Variants in CDK14 observed in about 807,000 individuals in gnomAD.
The protein encoded by CDK14 is cyclin-dependent kinase 14.
A neutral mutation model predicts 60.7 loss-of-function variants in CDK14; 34 were observed. The ratio of observed to expected loss-of-function variants is 0.56; its 90% CI spans 0.43 to 0.75. CDK14 has a LOEUF of 0.75. Among genes scored for constraint, CDK14 ranks in the 30% least tolerant of loss-of-function variants. The pLI, the probability that CDK14 is intolerant of heterozygous loss-of-function variation, is 0.00. For synonymous variants in CDK14, 197 were observed against 203.7 expected (o/e 0.97, Z 0.28); for missense variants, 482 against 564.1 (o/e 0.85, Z 1.47).
At chr7:90,777,389 C>T (rs1034150432) in intron 4 of CDK14, among the ~76,000 whole-genome samples, 1 of 152,166 alleles carries the variant, frequency 6.6e-6, no homozygotes, top group African/African-American at 2.4e-5. Context: ...AAGGCGACTT[C>T]AGTTTTGGAG....
In CDK14 at chr7:90,911,480, T is replaced by A. The variant is rs527347138; in HGVS notation, c.703-6121T>A. Among the ~76,000 whole-genome samples the A allele has an allele frequency of 5.3e-5, 8 of 152,294 alleles. No individual in the cohort carries two copies. In the East Asian group the frequency reaches 1.4e-3, roughly 26 times the overall value. On this transcript the variant is annotated intron_variant, in intron 7 of 14. Transcript: ENST00000380050. ...ATTGCTAATGACTCCTATTAGTAGA[T>A]TTCTTAATCTTCTGAAAGCCCTGAG...
Position 90,781,700 on chromosome 7 carries a change from C to G in CDK14, c.465-8873C>G, listed in dbSNP as rs533071556. On this transcript the variant is annotated intron_variant, in intron 4 of 14. Transcript: ENST00000380050. ...TCCTTTCCCCATTGCTTGTTTTTCT[C>G]AGGTTTGTCAAAGATCAGATAGTTG... Among the ~76,000 whole-genome samples, 17 of 151,346 alleles carry G rather than the reference C, an allele frequency of 1.1e-4. 1 individual carries two copies. Among genetic ancestry groups the G allele is most frequent in the Admixed American group, 1.1e-3 (17 of 15,160 alleles).
intron 14 of CDK14, among the ~76,000 whole-genome samples, chr7:91,183,015 G>A (rs2724355): frequency 0.42 from 64,042 of 151,906 alleles, 14,119 homozygotes; most frequent in East Asian, 0.5. Flanking sequence ...TCTGAGAGTC[G>A]CGTTGCAAAC....
chr7:90,872,235 A>C (rs1791391857), intron 6 of CDK14, among the ~76,000 whole-genome samples: 1 of 152,216 alleles, frequency 6.6e-6, no homozygotes, highest in South Asian at 2.1e-4. Context: ...TAGTGTAAAC[A>C]ATAGGAAAAC....
intron 12 of CDK14, among the ~76,000 whole-genome samples, chr7:91,108,491 T>G (rs1479243950): frequency 6.6e-6 from 1 of 152,228 alleles, no homozygotes; most frequent in Non-Finnish European, 1.5e-5. Flanking sequence ...AGCATAATAC[T>G]TGTATGTTTT....
At position 90,777,630 on chromosome 7, in the gene CDK14, T is replaced by C. The variant is rs773851948; in HGVS notation, c.465-12943T>C. 8.5e-5 allele frequency among the ~76,000 whole-genome samples: 13 copies of C among 152,326 alleles called. No individual in the cohort carries two copies. The South Asian group carries it at 1.2e-3, about 15-fold the overall frequency. ...GCCAAGGTTGAGGACCTGTACCTTG[T>C]CATCTGTGCAGCTGCAAAAGCTCGG... is the stretch of plus-strand genomic sequence containing the variant. On this transcript the variant is annotated intron_variant, in intron 4 of 14. Coordinates refer to ENST00000380050, the MANE Select transcript of CDK14 (RefSeq NM_001287135.2).
At chr7:90,904,345 G>A (rs1405754079) in intron 7 of CDK14, among the ~76,000 whole-genome samples, 2 of 152,068 alleles carry the variant, frequency 1.3e-5, no homozygotes, top group East Asian at 3.9e-4. Context: ...TGATTGGATA[G>A]GGAAAGGTAG....
intron 5 of CDK14, among the ~76,000 whole-genome samples, chr7:90,810,569 G>T (rs1013202418): frequency 2.0e-5 from 3 of 152,182 alleles, no homozygotes; most frequent in Admixed American, 1.3e-4. Context: ...CACAAGACAG[G>T]GATGCCCTCT....
intron 4 of CDK14, among the ~76,000 whole-genome samples, chr7:90,755,264 C>A (rs1467936001): frequency 1.3e-5 from 2 of 152,034 alleles, no homozygotes; most frequent in African/African-American, 4.8e-5. Context: ...ACATATACAC[C>A]ACAGAATATT....
intron 6 of CDK14, among the ~76,000 whole-genome samples, chr7:90,895,807 C>G (rs1792319893): frequency 6.8e-6 from 1 of 146,034 alleles, no homozygotes; most frequent in East Asian, 2.0e-4. Flanking sequence ...AACTTCTGAC[C>G]TCAAGTGATC....
chr7:90,719,630 C>T (rs547800799), intron 2 of CDK14, among the ~76,000 whole-genome samples: 1 of 152,078 alleles, frequency 6.6e-6, no homozygotes, highest in Non-Finnish European at 1.5e-5. Context: ...AATGAGTAGA[C>T]CAAATTAATC....
chr7:90,720,272 C>G (rs1217950836), intron 2 of CDK14, among the ~76,000 whole-genome samples: 2 of 152,086 alleles, frequency 1.3e-5, no homozygotes, highest in African/African-American at 4.8e-5. Flanking sequence ...GGGATTTAAT[C>G]AACAAGTGCA....
intron 8 of CDK14, among the ~76,000 whole-genome samples, chr7:90,919,036 C>A (rs3824041): frequency 0.54 from 82,480 of 151,794 alleles, 22,834 homozygotes; most frequent in East Asian, 0.7. Context: ...GGTATAAAAT[C>A]TTTTTATAAT....
chr7:90,640,025 C>T (rs1316583800), intron 2 of CDK14, among the ~76,000 whole-genome samples: 4 of 152,130 alleles, frequency 2.6e-5, no homozygotes, highest in Admixed American at 2.0e-4. Context: ...TGTCTGTCAC[C>T]CCTTTCCTTG....
intron 5 of CDK14, among the ~76,000 whole-genome samples, chr7:90,820,060 G>C (rs1789488943): frequency 6.6e-6 from 1 of 151,926 alleles, no homozygotes; most frequent in African/African-American, 2.4e-5. Context: ...CCACTTTTTT[G>C]TATTTGAAGT....
chr7:90,899,321 C>G lies in CDK14; in HGVS notation c.670C>G (p.His224Asp). The change falls in exon 7 of 15, where the codon CAC becomes GAC. Residue 224 changes from histidine to aspartate, a missense_variant. Transcript: ENST00000380050. ...HTDLCQYMDK[H>D]PGGLHPDNVK... ...TGATTTATGTCAGTACATGGACAAGCACCCTGGGGGGCTGCATCCAGATAA... is the reference window on the plus strand; with the variant it reads ...TGATTTATGTCAGTACATGGACAAGGACCCTGGGGGGCTGCATCCAGATAA... 1 of 1,603,098 alleles carries G rather than the reference C, an allele frequency of 6.2e-7. No individual in the cohort carries two copies. Among genetic ancestry groups the G allele is most frequent in the Non-Finnish European group, 8.5e-7 (1 of 1,175,432 alleles).
intron 14 of CDK14, among the ~76,000 whole-genome samples, chr7:91,201,468 A>G (rs1802721032): frequency 6.6e-6 from 1 of 152,128 alleles, no homozygotes; most frequent in African/African-American, 2.4e-5. Context: ...TAGAGGGGGA[A>G]AAAATGTGCC....
intron 13 of CDK14, among the ~76,000 whole-genome samples, chr7:91,117,526 G>C (rs1228733739): frequency 1.3e-5 from 2 of 151,850 alleles, no homozygotes; most frequent in African/African-American, 4.8e-5. Flanking sequence ...CCCTTCTCAG[G>C]AGAGACTTCA....
At chr7:90,810,216 C>A (rs1430617781) in intron 5 of CDK14, among the ~76,000 whole-genome samples, 1 of 152,244 alleles carries the variant, frequency 6.6e-6, no homozygotes, top group East Asian at 1.9e-4. Flanking sequence ...ATGCAGAAAT[C>A]CTCAATAAAA....
Sources: allele counts gnomAD v4.1 joint callset (sites outside exome capture counted in the v4.1 genomes callset), GRCh38; gene constraint gnomAD v4.1.1; transcripts MANE v1.5; gene names NCBI Gene and HGNC (gene_info 2026-07-23, HGNC 2026-07-21).